EHBP1: variants seen among roughly 807,000 people sequenced by gnomAD.
EHBP1 encodes the protein EH domain-binding protein 1.
In EHBP1, 55 loss-of-function variants were observed where a neutral mutation model predicts 144.0. The ratio of observed to expected loss-of-function variants is 0.38; its 90% CI spans 0.31 to 0.48. EHBP1 has a LOEUF of 0.48. Among genes scored for constraint, EHBP1 ranks in the 20% least tolerant of loss-of-function variants. The probability of loss-of-function intolerance (pLI) is 0.98; values close to 1 mark genes in which losing one functional copy is unlikely to be tolerated. For synonymous variants in EHBP1, 469 were observed against 472.7 expected (o/e 0.99, Z 0.10); for missense variants, 1,200 against 1,364.2 (o/e 0.88, Z 1.90).
chr2:62,998,624 ACT>A (rs747681432), intron 19 of EHBP1, among the ~76,000 whole-genome samples: 4 of 152,062 alleles, frequency 2.6e-5, no homozygotes, highest in Non-Finnish European at 5.9e-5. Flanking sequence ...ACTGAAATAG[ACT>A]CAATTTCTCC....
chr2:62,952,099 C>T (rs2057423631), intron 13 of EHBP1, among the ~76,000 whole-genome samples: 1 of 152,140 alleles, frequency 6.6e-6, no homozygotes, highest in African/African-American at 2.4e-5. Context: ...TTAAAGTGTA[C>T]TGGATGATAG....
intron 2 of EHBP1, among the ~76,000 whole-genome samples, chr2:62,736,792 T>C (rs879373145): frequency 3.3e-5 from 5 of 152,252 alleles, no homozygotes; most frequent in Non-Finnish European, 5.9e-5. Flanking sequence ...TATAGCTGTT[T>C]AAATTACTGG....
chr2:63,027,557 T>A (rs1297856074), intron 19 of EHBP1, among the ~76,000 whole-genome samples: 1 of 152,176 alleles, frequency 6.6e-6, no homozygotes, highest in Non-Finnish European at 1.5e-5. Flanking sequence ...TGGAGAAGGA[T>A]CTACACTGTC....
At chr2:62,852,835 A>C (rs1421754878) in intron 7 of EHBP1, among the ~76,000 whole-genome samples, 1 of 152,164 alleles carries the variant, frequency 6.6e-6, no homozygotes, top group Admixed American at 6.5e-5. Context: ...AATTCTACCT[A>C]CTGAGAAATT....
chr2:62,712,527 G>T (rs2035247860), intron 2 of EHBP1, among the ~76,000 whole-genome samples: 1 of 152,194 alleles, frequency 6.6e-6, no homozygotes, highest in African/African-American at 2.4e-5. Context: ...GTGCTTTGGT[G>T]CAGGCATGGA....
chr2:62,787,091 G>A (rs1157542279), intron 5 of EHBP1, among the ~76,000 whole-genome samples: 1 of 152,118 alleles, frequency 6.6e-6, no homozygotes, highest in African/African-American at 2.4e-5. Flanking sequence ...CTGACAAGAC[G>A]CTGTCTTTCT....
chr2:62,818,066 G>C (rs919592225), intron 5 of EHBP1, among the ~76,000 whole-genome samples: 1 of 151,700 alleles, frequency 6.6e-6, no homozygotes, highest in Non-Finnish European at 1.5e-5. Flanking sequence ...TGGAACATTT[G>C]TGAAAAATAC....
intron 2 of EHBP1, among the ~76,000 whole-genome samples, chr2:62,729,886 T>G (rs911808060): frequency 2.6e-5 from 4 of 151,804 alleles, no homozygotes; most frequent in Non-Finnish European, 4.4e-5. Flanking sequence ...TTTGCCAAAG[T>G]GAGAGGTGAG....
chr2:63,014,014 TAGC>T (rs1388618075), intron 19 of EHBP1, among the ~76,000 whole-genome samples: 5 of 152,232 alleles, frequency 3.3e-5, no homozygotes, highest in Non-Finnish European at 7.3e-5. Context: ...GGTTTTTTAA[TAGC>T]AGCATTCTAC....
intron 19 of EHBP1, among the ~76,000 whole-genome samples, chr2:63,026,697 T>C (rs2060998513): frequency 6.6e-6 from 1 of 152,172 alleles, no homozygotes; most frequent in African/African-American, 2.4e-5. Flanking sequence ...AACTTGTGGT[T>C]ACCCAAGAAG....
intron 10 of EHBP1, among the ~76,000 whole-genome samples, chr2:62,938,742 C>T (rs887499028): frequency 2.0e-5 from 3 of 151,684 alleles, no homozygotes; most frequent in African/African-American, 4.8e-5. Context: ...TTACAAGTAC[C>T]ATATTTTCCA....
chr2:63,040,959 T>C (rs1327159807), intron 21 of EHBP1, among the ~76,000 whole-genome samples: 1 of 152,228 alleles, frequency 6.6e-6, no homozygotes, highest in Non-Finnish European at 1.5e-5. Flanking sequence ...GTTAGTTTTG[T>C]TTTGCTTTCT....
At chr2:62,757,936 C>T (rs2040444778) in intron 3 of EHBP1, among the ~76,000 whole-genome samples, 1 of 151,376 alleles carries the variant, frequency 6.6e-6, no homozygotes, top group Non-Finnish European at 1.5e-5. Flanking sequence ...GGCGTGAACC[C>T]AGGAGGCGGA....
At chr2:62,831,231 G>T in intron 7 of EHBP1, 73 bp downstream of exon 7, 2 of 1,423,572 alleles carry the variant, frequency 1.4e-6, no homozygotes, top group Admixed American at 2.7e-5. Flanking sequence ...TCATTTCCCA[G>T]GAAAAAACAA....
At chr2:62,930,295 T>G (rs1020512171) in intron 10 of EHBP1, among the ~76,000 whole-genome samples, 8 of 152,168 alleles carry the variant, frequency 5.3e-5, no homozygotes, top group Admixed American at 4.6e-4. Flanking sequence ...CAAAAAGAAT[T>G]AAATATTTAG....
chr2:63,042,709 CTT>C (rs2061718855), intron 21 of EHBP1, among the ~76,000 whole-genome samples: 2 of 151,804 alleles, frequency 1.3e-5, no homozygotes, highest in Admixed American at 1.3e-4. Flanking sequence ...AATGTCCTCT[CTT>C]ATCCATTTTG....
chr2:62,871,882 C>T (rs2050519339), intron 9 of EHBP1, among the ~76,000 whole-genome samples: 1 of 152,138 alleles, frequency 6.6e-6, no homozygotes, highest in South Asian at 2.1e-4. Flanking sequence ...TAATTCAACT[C>T]TTCTAGTTTA....
intron 14 of EHBP1, among the ~76,000 whole-genome samples, chr2:62,969,506 A>G (rs2058397923): frequency 6.6e-6 from 1 of 152,204 alleles, no homozygotes; most frequent in African/African-American, 2.4e-5. Flanking sequence ...TGAAATCTAA[A>G]TTCTTAAAAT....
At chr2:63,028,123 A>G (rs1051234476) in intron 19 of EHBP1, among the ~76,000 whole-genome samples, 6 of 152,078 alleles carry the variant, frequency 3.9e-5, no homozygotes, top group Non-Finnish European at 8.8e-5. Flanking sequence ...TTCTTACCAC[A>G]AAAAAAGATA....
Sources: gnomAD v4.1 joint callset for allele counts (sites outside exome capture counted in the v4.1 genomes callset) on GRCh38, gnomAD v4.1.1 for gene constraint, MANE v1.5 for transcripts, NCBI Gene and HGNC (gene_info 2026-07-23, HGNC 2026-07-21) for gene names.